ATG10: variants seen among roughly 807,000 people sequenced by gnomAD.
ATG10 encodes the protein ubiquitin-like-conjugating enzyme ATG10.
In ATG10, 30 loss-of-function variants were observed where a neutral mutation model predicts 32.1. That is an observed-to-expected ratio of 0.94 (90% confidence interval 0.70 to 1.27). The LOEUF (loss-of-function observed/expected upper bound fraction) is 1.27, where lower values mean the gene tolerates loss of function less well. ATG10 is among the 50% of genes most tolerant of loss of function. The pLI is 0.00. For synonymous variants in ATG10, 87 were observed against 91.5 expected (o/e 0.95, Z 0.28); for missense variants, 233 against 262.3 (o/e 0.89, Z 0.77).
intron 5 of ATG10, among the ~76,000 whole-genome samples, chr5:82,227,561 G>GA (rs1306090309): frequency 3.3e-5 from 5 of 151,988 alleles, no homozygotes; most frequent in Non-Finnish European, 5.9e-5. Flanking sequence ...TTTTAGTAGA[G>GA]ACGGGGTTTC....
At chr5:82,232,693 G>A (rs1194560820) in intron 5 of ATG10, among the ~76,000 whole-genome samples, 1 of 152,036 alleles carries the variant, frequency 6.6e-6, no homozygotes, top group Admixed American at 6.6e-5. Context: ...TAGCTTTCAT[G>A]GTAGCTTCCT....
At chr5:82,223,216 C>T (rs1745995791) in intron 5 of ATG10, among the ~76,000 whole-genome samples, 1 of 152,208 alleles carries the variant, frequency 6.6e-6, no homozygotes. Context: ...AAAGATTGCA[C>T]TTCAGGTATT....
At chr5:82,009,983 A>G (rs537612155) in intron 2 of ATG10, 9 of 1,611,392 alleles carry the variant, frequency 5.6e-6, no homozygotes, top group Non-Finnish European at 7.6e-6. Context: ...TGCTCAGAGC[A>G]TGAAAATTTT....
chr5:82,068,971 C>T (rs927634500), intron 3 of ATG10, among the ~76,000 whole-genome samples: 2 of 149,962 alleles, frequency 1.3e-5, no homozygotes, highest in Non-Finnish European at 3.0e-5. Context: ...GAGGGAGATA[C>T]GTTACTTAGA....
chr5:82,212,008 A>G (rs1745512461), intron 5 of ATG10, among the ~76,000 whole-genome samples: 1 of 152,212 alleles, frequency 6.6e-6, no homozygotes, highest in Non-Finnish European at 1.5e-5. Flanking sequence ...GGCTCACTTC[A>G]AATGGATGAC....
chr5:82,193,138 C>T (rs770676583), intron 5 of ATG10, among the ~76,000 whole-genome samples: 4 of 152,186 alleles, frequency 2.6e-5, no homozygotes, highest in Non-Finnish European at 5.9e-5. Flanking sequence ...CCAACCGTGC[C>T]ATTAGCAGTT....
chr5:82,009,922 G>A, intron 2 of ATG10: 1 of 1,611,170 alleles, frequency 6.2e-7, no homozygotes, highest in African/African-American at 1.3e-5. Flanking sequence ...ATAAACCCTG[G>A]AATAATTCTG....
chr5:82,179,117 C>T (rs1158531132), intron 5 of ATG10, among the ~76,000 whole-genome samples: 1 of 152,054 alleles, frequency 6.6e-6, no homozygotes, highest in Non-Finnish European at 1.5e-5. Context: ...TTATTGAATA[C>T]TTGACTGAAA....
At position 82,050,139 on chromosome 5, in the gene ATG10, A is replaced by G. The variant is rs1052276553; in HGVS notation, c.109-8356A>G. 2.0e-5 allele frequency among the ~76,000 whole-genome samples: 3 copies of G among 152,044 alleles called. No individual in the cohort carries two copies. In the East Asian group the frequency reaches 5.8e-4, roughly 29 times the overall value. On this transcript the variant is annotated intron_variant, in intron 2 of 7. Transcript: ENST00000282185. ...TCTATAACTTACTTTTCCACCTAAC[A>G]TATCAGTGACATCTTTCTTTGTAAG...
chr5:82,103,823 C>G (rs1765360013), intron 3 of ATG10, among the ~76,000 whole-genome samples: 1 of 152,152 alleles, frequency 6.6e-6, no homozygotes, highest in Non-Finnish European at 1.5e-5. Context: ...GATGAAGAAA[C>G]AGGACTTTAC....
At chr5:82,075,376 C>T (rs769000990) in intron 3 of ATG10, among the ~76,000 whole-genome samples, 2 of 152,132 alleles carry the variant, frequency 1.3e-5, no homozygotes, top group African/African-American at 2.4e-5. Context: ...TGGCATCCAA[C>T]ATCTGTGTGA....
chr5:82,069,128 C>T (rs948260276), intron 3 of ATG10, among the ~76,000 whole-genome samples: 6 of 151,980 alleles, frequency 3.9e-5, no homozygotes, highest in Admixed American at 1.3e-4. Flanking sequence ...GAAGGGAATT[C>T]CCATTAGCAT....
At position 82,188,214 on chromosome 5, in the gene ATG10, T is replaced by A. The variant is rs532858738; in HGVS notation, c.453+9627T>A. On this transcript the variant is annotated intron_variant, in intron 5 of 7. Transcript: ENST00000282185. Reference sequence around the variant, plus strand: ...ATTTGGGTCTTATTACTTCTTTAAGTTGAAGTTTATTTCACTACATAATAA... The same window carrying A: ...ATTTGGGTCTTATTACTTCTTTAAGATGAAGTTTATTTCACTACATAATAA... 2.6e-5 allele frequency among the ~76,000 whole-genome samples: 4 copies of A among 152,336 alleles called. No individual in the cohort carries two copies. In the South Asian group the frequency reaches 8.3e-4, roughly 32 times the overall value.
chr5:82,183,513 T>C (rs1177719435), intron 5 of ATG10, among the ~76,000 whole-genome samples: 1 of 152,184 alleles, frequency 6.6e-6, no homozygotes, highest in East Asian at 1.9e-4. Context: ...TTGGCAAGAA[T>C]ACTTCATGGT....
At position 82,054,101 on chromosome 5, in the gene ATG10, G is replaced by A. The variant is rs1763511237; in HGVS notation, c.109-4394G>A. On this transcript the variant is annotated intron_variant, in intron 2 of 7. Coordinates refer to ENST00000282185, the MANE Select transcript of ATG10 (RefSeq NM_031482.5). ...CAAAAGAGGGTCTCCAAGGAATTGA[G>A]TGCAGTGGTTCTCAACTCTGGCTGC... is the stretch of plus-strand genomic sequence containing the variant. Among the ~76,000 whole-genome samples, 3 of 152,172 alleles carry A rather than the reference G, an allele frequency of 2.0e-5. No individual in the cohort carries two copies. The South Asian group carries it at 6.2e-4, about 31-fold the overall frequency.
chr5:82,083,243 A>C (rs1170060684), intron 3 of ATG10, among the ~76,000 whole-genome samples: 1 of 152,210 alleles, frequency 6.6e-6, no homozygotes, highest in Admixed American at 6.5e-5. Context: ...CTAGCACAGT[A>C]GTCTGAGATC....
At chr5:82,048,828 C>A (rs1763307893) in intron 2 of ATG10, among the ~76,000 whole-genome samples, 2 of 152,148 alleles carry the variant, frequency 1.3e-5, no homozygotes, top group African/African-American at 4.8e-5. Flanking sequence ...CAGAGAAATG[C>A]AAATCAAAAC....
At position 82,064,557 on chromosome 5, in the gene ATG10, CAA is replaced by C. The variant is rs540973480; in HGVS notation, c.216+5956_216+5957del. Among the ~76,000 whole-genome samples the C allele has an allele frequency of 2.4e-3, 365 of 152,138 alleles. 1 individual carries two copies. The highest frequency in any genetic ancestry group is 8.6e-3 in the African/African-American group (358 of 41,516). ...TCAATGACTTTAACAGGTTCTCTTT[CAA>C]CACACATTTATGCCAGCATTAATGC... On this transcript the variant is annotated intron_variant, in intron 3 of 7. Transcript: ENST00000282185.
intron 5 of ATG10, among the ~76,000 whole-genome samples, chr5:82,187,521 A>G (rs1368810399): frequency 2.2e-5 from 1 of 45,800 alleles, no homozygotes; most frequent in Non-Finnish European, 4.2e-5. Context: ...ACTGTCTACA[A>G]AAAAAAAAAA....
Sources: gnomAD v4.1 joint callset for allele counts (sites outside exome capture counted in the v4.1 genomes callset) on GRCh38, gnomAD v4.1.1 for gene constraint, MANE v1.5 for transcripts, NCBI Gene and HGNC (gene_info 2026-07-23, HGNC 2026-07-21) for gene names.